COP1: variants seen among roughly 807,000 people sequenced by gnomAD.
The protein encoded by COP1 is COP1 E3 ubiquitin ligase.
Under a neutral mutation model 101.3 loss-of-function variants are expected in COP1, and 24 were observed. The observed-to-expected ratio is 0.24, with a 90% confidence interval of 0.17 to 0.33. COP1 has a LOEUF of 0.33. COP1 is among the 10% of genes least tolerant of loss of function. The probability of loss-of-function intolerance (pLI) is 1.00; values close to 1 mark genes in which losing one functional copy is unlikely to be tolerated. For synonymous variants in COP1, 347 were observed against 341.9 expected (o/e 1.01, Z -0.17); for missense variants, 663 against 906.2 (o/e 0.73, Z 3.45).
At chr1:176,039,757 C>T (rs1393856715) in intron 14 of COP1, among the ~76,000 whole-genome samples, 6 of 152,122 alleles carry the variant, frequency 3.9e-5, no homozygotes, top group African/African-American at 7.2e-5. Context: ...AAGATAAACT[C>T]TTGCATATAT....
At chr1:176,053,591 G>A (rs1197603303) in intron 11 of COP1, among the ~76,000 whole-genome samples, 1 of 151,910 alleles carries the variant, frequency 6.6e-6, no homozygotes, top group Non-Finnish European at 1.5e-5. Context: ...ACACAACCAT[G>A]ACCACACCCT....
intron 18 of COP1, among the ~76,000 whole-genome samples, chr1:175,986,115 G>A (rs1192569127): frequency 6.6e-6 from 1 of 152,132 alleles, no homozygotes. Context: ...TGCCTCGCGG[G>A]TTGATGCCAT....
chr1:175,982,558 G>A (rs1656125801), intron 18 of COP1, among the ~76,000 whole-genome samples: 1 of 151,852 alleles, frequency 6.6e-6, no homozygotes, highest in Admixed American at 6.6e-5. Context: ...AGCTTATGTG[G>A]GTTAATTGTT....
intron 8 of COP1, among the ~76,000 whole-genome samples, chr1:176,133,425 C>T (rs933387720): frequency 3.3e-5 from 5 of 151,638 alleles, no homozygotes; most frequent in Non-Finnish European, 5.9e-5. Context: ...ATGAGATCAC[C>T]ATCATATATG....
At chr1:175,985,524 C>A (rs1656898343) in intron 18 of COP1, among the ~76,000 whole-genome samples, 1 of 152,122 alleles carries the variant, frequency 6.6e-6, no homozygotes, top group Non-Finnish European at 1.5e-5. Context: ...CCTGTGGGGA[C>A]TTAAAACAAA....
At chr1:176,086,223 C>CTTT in intron 9 of COP1, among the ~76,000 whole-genome samples, 1 of 70,118 alleles carries the variant, frequency 1.4e-5, no homozygotes, top group African/African-American at 4.4e-5. Context: ...TTTTGGGAAT[C>CTTT]TTTCTTTTTT....
intron 15 of COP1, among the ~76,000 whole-genome samples, chr1:175,992,821 A>G (rs1240692616): frequency 6.6e-6 from 1 of 152,082 alleles, no homozygotes; most frequent in Non-Finnish European, 1.5e-5. Flanking sequence ...GGGGGCAGGC[A>G]CAGACAAAAA....
chr1:176,181,090 T>C (rs2101992974), intron 2 of COP1, among the ~76,000 whole-genome samples: 1 of 152,216 alleles, frequency 6.6e-6, no homozygotes, highest in East Asian at 1.9e-4. Flanking sequence ...TATTATATCA[T>C]TGTATTTCAG....
chr1:176,035,115 C>G (rs1301402870), intron 14 of COP1, among the ~76,000 whole-genome samples: 1 of 152,006 alleles, frequency 6.6e-6, no homozygotes, highest in Non-Finnish European at 1.5e-5. Context: ...AAGGTCAGTC[C>G]TAAGGTTTAG....
At chr1:176,156,331 T>C (rs1186451382) in intron 5 of COP1, among the ~76,000 whole-genome samples, 1 of 151,106 alleles carries the variant, frequency 6.6e-6, no homozygotes, top group Non-Finnish European at 1.5e-5. Flanking sequence ...TAAAATGAGA[T>C]ACTGAAAACC....
chr1:176,145,924 C>T (rs1691523617), intron 6 of COP1, among the ~76,000 whole-genome samples: 1 of 152,154 alleles, frequency 6.6e-6, no homozygotes, highest in African/African-American at 2.4e-5. Flanking sequence ...GCCGTTCTAG[C>T]AGTATTGCAT....
intron 6 of COP1, among the ~76,000 whole-genome samples, chr1:176,147,349 G>T (rs1178936381): frequency 3.3e-5 from 5 of 152,094 alleles, no homozygotes; most frequent in Non-Finnish European, 5.9e-5. Flanking sequence ...TGAAATTCAA[G>T]AAATTTAATC....
chr1:176,119,137 T>C (rs1054624471), intron 8 of COP1, among the ~76,000 whole-genome samples: 4 of 152,224 alleles, frequency 2.6e-5, no homozygotes, highest in Non-Finnish European at 4.4e-5. Context: ...AGTTACACAC[T>C]GGTATGACAA....
intron 14 of COP1, among the ~76,000 whole-genome samples, chr1:176,034,460 A>G (rs1199708576): frequency 6.6e-6 from 1 of 152,198 alleles, no homozygotes; most frequent in East Asian, 1.9e-4. Flanking sequence ...GCGAATCCCC[A>G]TTATATTTTT....
intron 1 of COP1, among the ~76,000 whole-genome samples, chr1:176,190,892 A>G (rs1021320439): frequency 2.6e-5 from 4 of 152,066 alleles, no homozygotes; most frequent in Admixed American, 6.6e-5. Flanking sequence ...CAACTAAAAA[A>G]AAAATCAATC....
At position 176,206,692 on chromosome 1, in the gene COP1, C is replaced by G; in HGVS notation, c.287G>C (p.Ser96Thr). 3 of 1,605,668 alleles carry G rather than the reference C, an allele frequency of 1.9e-6. No individual in the cohort carries two copies. Among genetic ancestry groups the G allele is most frequent in the Non-Finnish European group, 2.5e-6 (3 of 1,179,384 alleles). The change falls in exon 1 of 20, where the codon AGC becomes ACC. Residue 96 changes from serine (S) to threonine (T), a missense_variant. Ser to Thr is a moderately conservative substitution (Grantham distance 58, BLOSUM62 1). Coordinates refer to ENST00000367669, the MANE Select transcript of COP1 (RefSeq NM_022457.7). ...LSRHSCAARP[S>T]AGVGGSSSSL... The stretch of plus-strand genomic sequence containing the variant: ...GGAGCTGCTGCCTCCTACGCCGGCG[C>G]TGGGCCTGGCCGCGCAGCTGTGCCG...
intron 12 of COP1, among the ~76,000 whole-genome samples, chr1:176,044,144 T>C (rs1287690127): frequency 1.3e-5 from 2 of 152,182 alleles, no homozygotes; most frequent in Non-Finnish European, 2.9e-5. Flanking sequence ...TCCAGAGGGC[T>C]CAAGGCATAC....
intron 9 of COP1, among the ~76,000 whole-genome samples, chr1:176,114,360 G>T (rs753403666): frequency 2.6e-5 from 4 of 152,106 alleles, no homozygotes; most frequent in Admixed American, 1.3e-4. Context: ...ATGATGTACA[G>T]AGTAGTCACA....
chr1:176,094,443 A>T (rs2149470422), intron 9 of COP1, among the ~76,000 whole-genome samples: 1 of 152,024 alleles, frequency 6.6e-6, no homozygotes, highest in East Asian at 1.9e-4. Context: ...TACATATTGG[A>T]TGCAGATAGT....
Sources: gnomAD v4.1 joint callset for allele counts (sites outside exome capture counted in the v4.1 genomes callset) on GRCh38, gnomAD v4.1.1 for gene constraint, MANE v1.5 for transcripts, NCBI Gene and HGNC (gene_info 2026-07-23, HGNC 2026-07-21) for gene names.